PKIB: variants seen among roughly 807,000 people sequenced by gnomAD.
PKIB encodes the protein PKI-beta.
In PKIB, 2 loss-of-function variants were observed where a neutral mutation model predicts 4.5. The observed-to-expected ratio is 0.44, with a 90% confidence interval of 0.18 to 1.39. PKIB has a LOEUF of 1.39. PKIB is among the 40% of genes most tolerant of loss of function. The pLI is 0.27. For synonymous variants in PKIB, 38 were observed against 36.0 expected (o/e 1.06, Z -0.20); for missense variants, 94 against 92.6 (o/e 1.02, Z -0.06).
At chr6:122,710,370 G>A (rs1391301400) in intron 3 of PKIB, among the ~76,000 whole-genome samples, 1 of 152,038 alleles carries the variant, frequency 6.6e-6, no homozygotes, top group African/African-American at 2.4e-5. Flanking sequence ...CAGACCACAA[G>A]AACTTCAAAA....
At chr6:122,682,535 AC>A (rs1777937644) in intron 3 of PKIB, among the ~76,000 whole-genome samples, 1 of 152,178 alleles carries the variant, frequency 6.6e-6, no homozygotes, top group African/African-American at 2.4e-5. Flanking sequence ...GGTTTTTTCA[AC>A]TTGAGGGGTT....
chr6:122,708,592 A>G (rs1779150209), intron 3 of PKIB, among the ~76,000 whole-genome samples: 1 of 152,070 alleles, frequency 6.6e-6, no homozygotes, highest in Non-Finnish European at 1.5e-5. Context: ...TGATTTTTTG[A>G]ATGCCTTTTT....
chr6:122,676,294 G>T (rs1432418311), intron 3 of PKIB, among the ~76,000 whole-genome samples: 1 of 152,060 alleles, frequency 6.6e-6, no homozygotes, highest in Non-Finnish European at 1.5e-5. Flanking sequence ...CTGACAGGAG[G>T]CAGAGCTCAA....
chr6:122,711,267 C>T (rs1779263749), intron 3 of PKIB, among the ~76,000 whole-genome samples: 2 of 152,000 alleles, frequency 1.3e-5, no homozygotes, highest in African/African-American at 4.8e-5. Flanking sequence ...ATTTTTATCC[C>T]TGTAGATAGC....
In PKIB at chr6:122,717,554, G is replaced by A. The variant is rs1279748408; in HGVS notation, c.-8-233G>A. On this transcript the variant is annotated intron_variant, in intron 3 of 4. Coordinates refer to ENST00000368452, the MANE Select transcript of PKIB (RefSeq NM_181795.3). ...CCTTAAGCATCCAAGTGGCTCATTCGGCTCAGGGGTTATTTTTAGCAATCT... is the reference window on the plus strand; with the variant it reads ...CCTTAAGCATCCAAGTGGCTCATTCAGCTCAGGGGTTATTTTTAGCAATCT... The A allele has an allele frequency of 6.4e-6, 3 of 466,042 alleles. No individual in the cohort carries two copies. The South Asian group carries it at 1.5e-4, about 23-fold the overall frequency. 28.9% of individuals were successfully genotyped at this position (466,042 alleles called of 1,614,324 possible).
intron 2 of PKIB, among the ~76,000 whole-genome samples, chr6:122,537,229 C>A (rs1434939758): frequency 6.6e-6 from 1 of 151,872 alleles, no homozygotes; most frequent in Admixed American, 6.6e-5. Flanking sequence ...AGGTTTGTTA[C>A]ATATGTATAC....
chr6:122,489,303 A>G (rs543789186), intron 2 of PKIB, among the ~76,000 whole-genome samples: 10 of 152,124 alleles, frequency 6.6e-5, no homozygotes, highest in African/African-American at 2.4e-4. Context: ...GCTGGAGTGC[A>G]GTGGTACAGT....
At position 122,717,825 on chromosome 6, in the gene PKIB, G is replaced by C. The variant is rs749486807; in HGVS notation, c.31G>C (p.Val11Leu). The change falls in exon 4 of 5, where the codon GTG becomes CTG. Residue 11 changes from valine to leucine, a missense_variant. By Grantham distance (32) the Val-to-Leu change is conservative. Coordinates refer to ENST00000368452, the MANE Select transcript of PKIB (RefSeq NM_181795.3). The part of the protein sequence containing the change: MRTDSSKMTD[V>L]ESGVANFASS... ...GACAGATTCATCAAAAATGACTGAC[G>C]TGGAGTCTGGGGTCGCCAATTTTGC... 1.2e-6 allele frequency: 2 copies of C among 1,613,922 alleles called. No homozygotes were observed. The highest frequency in any genetic ancestry group is 3.3e-5 in the Admixed American group (2 of 59,996).
chr6:122,588,700 T>C (rs904131544), intron 3 of PKIB, among the ~76,000 whole-genome samples: 4 of 152,188 alleles, frequency 2.6e-5, no homozygotes, highest in African/African-American at 9.6e-5. Context: ...TTATTTCTTG[T>C]TAATTCCTTA....
chr6:122,497,630 A>C (rs1326409796), intron 2 of PKIB, among the ~76,000 whole-genome samples: 2 of 152,244 alleles, frequency 1.3e-5, no homozygotes, highest in African/African-American at 4.8e-5. Flanking sequence ...AGGGCACTAC[A>C]TAATGATAAA....
chr6:122,677,882 CCTTCCTTCCTTTCTTT>C (rs1272374718), intron 3 of PKIB, among the ~76,000 whole-genome samples: 9 of 52,928 alleles, frequency 1.7e-4, no homozygotes, highest in Non-Finnish European at 2.2e-4. Context: ...TTCCTTCCTT[CCTTCCTTCCTTTCTTT>C]CTTTCTTTCC....
chr6:122,565,883 G>A (rs1302734163), intron 2 of PKIB, among the ~76,000 whole-genome samples: 1 of 152,234 alleles, frequency 6.6e-6, no homozygotes, highest in Non-Finnish European at 1.5e-5. Flanking sequence ...GAATTTGTGA[G>A]TGCTTTAATG....
At chr6:122,714,885 A>G (rs1177782864) in intron 3 of PKIB, among the ~76,000 whole-genome samples, 3 of 152,028 alleles carry the variant, frequency 2.0e-5, no homozygotes, top group African/African-American at 7.2e-5. Flanking sequence ...GGTTCAAACG[A>G]TTGATTCTCC....
chr6:122,544,141 C>T (rs9388091), intron 2 of PKIB, among the ~76,000 whole-genome samples: 17,195 of 151,514 alleles, frequency 0.11, 1,241 homozygotes, highest in East Asian at 0.21. Flanking sequence ...CAAAAGCAAA[C>T]GCTTTAAAAT....
chr6:122,596,622 G>A (rs1774186574), intron 3 of PKIB, among the ~76,000 whole-genome samples: 1 of 152,120 alleles, frequency 6.6e-6, no homozygotes, highest in Non-Finnish European at 1.5e-5. Context: ...CCAGTAATAG[G>A]CCAAGAGCTC....
At chr6:122,570,282 T>A (rs1416893968) in intron 2 of PKIB, among the ~76,000 whole-genome samples, 1 of 152,176 alleles carries the variant, frequency 6.6e-6, no homozygotes, top group Non-Finnish European at 1.5e-5. Context: ...CCTTTCAACC[T>A]GATAAAACCT....
At chr6:122,596,161 G>A (rs978360020) in intron 3 of PKIB, among the ~76,000 whole-genome samples, 1 of 152,192 alleles carries the variant, frequency 6.6e-6, no homozygotes, top group Non-Finnish European at 1.5e-5. Flanking sequence ...CTGCCCACTG[G>A]GAAGATTGCC....
intron 2 of PKIB, among the ~76,000 whole-genome samples, chr6:122,557,626 C>T (rs539621595): frequency 6.6e-6 from 1 of 152,312 alleles, no homozygotes; most frequent in East Asian, 1.9e-4. Flanking sequence ...ACTCTTGGCC[C>T]TGGCAATTAG....
chr6:122,547,198 C>T (rs1284804236), intron 2 of PKIB, among the ~76,000 whole-genome samples: 4 of 152,022 alleles, frequency 2.6e-5, no homozygotes, highest in African/African-American at 9.7e-5. Flanking sequence ...AGGTGTCACG[C>T]CCAGTGTTAG....
Sources: gnomAD v4.1 joint callset for allele counts (sites outside exome capture counted in the v4.1 genomes callset) on GRCh38, gnomAD v4.1.1 for gene constraint, MANE v1.5 for transcripts, NCBI Gene and HGNC (gene_info 2026-07-23, HGNC 2026-07-21) for gene names.